The following MCUB variants were observed in gnomAD, a reference collection of about 807,000 sequenced individuals.
MCUB encodes the protein calcium uniporter regulatory subunit MCUb, mitochondrial.
Under a neutral mutation model 41.4 loss-of-function variants are expected in MCUB, and 46 were observed. The ratio of observed to expected loss-of-function variants is 1.11; its 90% CI spans 0.88 to 1.42. The LOEUF is 1.42. Among genes scored for constraint, MCUB ranks in the 40% most tolerant of loss-of-function variants. The pLI, the probability that MCUB is intolerant of heterozygous loss-of-function variation, is 0.00. For missense variants in MCUB, 403 were observed against 404.9 expected, an observed-to-expected ratio of 1.00 and a Z score of 0.04; for synonymous variants, 148 against 148.2, an observed-to-expected ratio of 1.00 and a Z score of 0.01.
At chr4:109,601,885 T>G (rs990673171) in intron 1 of MCUB, among the ~76,000 whole-genome samples, 4 of 152,192 alleles carry the variant, frequency 2.6e-5, no homozygotes, top group Admixed American at 2.0e-4. Context: ...TCTCCACATC[T>G]TCACCAACGT....
At chr4:109,603,253 G>A (rs545726202) in intron 1 of MCUB, among the ~76,000 whole-genome samples, 35 of 152,258 alleles carry the variant, frequency 2.3e-4, no homozygotes, top group Non-Finnish European at 3.4e-4. Flanking sequence ...GCGCCGCCAC[G>A]CCTGACTGGT....
intron 1 of MCUB, among the ~76,000 whole-genome samples, chr4:109,588,881 G>T (rs868088992): frequency 6.6e-6 from 1 of 152,078 alleles, no homozygotes; most frequent in African/African-American, 2.4e-5. Context: ...TATAAAGAAT[G>T]ATTGATAAAA....
intron 1 of MCUB, among the ~76,000 whole-genome samples, chr4:109,608,251 A>T (rs990376831): frequency 6.6e-6 from 1 of 152,030 alleles, no homozygotes; most frequent in Non-Finnish European, 1.5e-5. Context: ...AATCATTTCA[A>T]TCTTTTTGTT....
intron 4 of MCUB, among the ~76,000 whole-genome samples, chr4:109,670,165 A>G (rs987257170): frequency 3.9e-5 from 6 of 152,206 alleles, no homozygotes; most frequent in Non-Finnish European, 8.8e-5. Flanking sequence ...AAAGTAAGGT[A>G]TGGAGGGGAA....
intron 4 of MCUB, among the ~76,000 whole-genome samples, chr4:109,673,290 A>G (rs937639759): frequency 8.5e-5 from 13 of 152,218 alleles, no homozygotes; most frequent in African/African-American, 3.1e-4. Flanking sequence ...CCATTACTCC[A>G]TATGACCTTC....
intron 4 of MCUB, among the ~76,000 whole-genome samples, chr4:109,668,574 GT>G (rs1729392586): frequency 6.6e-6 from 1 of 151,888 alleles, no homozygotes; most frequent in South Asian, 2.1e-4. Flanking sequence ...TTGGATCTGG[GT>G]TTTTGACCCA....
intron 1 of MCUB, among the ~76,000 whole-genome samples, chr4:109,596,661 ACTC>A (rs1727561956): frequency 6.6e-6 from 1 of 150,448 alleles, no homozygotes; most frequent in Non-Finnish European, 1.5e-5. Flanking sequence ...TCTTCCCTTG[ACTC>A]GGTGCCTCAC....
intron 7 of MCUB, 102 bp from the exon 8 acceptor site, chr4:109,687,412 AT>A (rs1351152887): frequency 2.7e-6 from 2 of 735,484 alleles, no homozygotes; most frequent in Admixed American, 5.4e-5. Context: ...TAAACATTTT[AT>A]TGCTGTAAGG....
intron 1 of MCUB, among the ~76,000 whole-genome samples, chr4:109,576,316 G>A (rs1727027986): frequency 6.6e-6 from 1 of 152,138 alleles, no homozygotes; most frequent in South Asian, 2.1e-4. Flanking sequence ...GGTAAGTCAA[G>A]TAGGTATTTG....
At chr4:109,662,820 T>C (rs1026713321) in intron 3 of MCUB, among the ~76,000 whole-genome samples, 5 of 152,332 alleles carry the variant, frequency 3.3e-5, no homozygotes, top group African/African-American at 1.2e-4. Context: ...GTTGCTGATT[T>C]TTTTTTTCTT....
intron 1 of MCUB, among the ~76,000 whole-genome samples, chr4:109,656,576 A>G (rs1017557185): frequency 4.0e-5 from 6 of 151,366 alleles, no homozygotes; most frequent in Non-Finnish European, 5.9e-5. Flanking sequence ...GGGTTTCACC[A>G]TGTTACCTGG....
At chr4:109,624,999 G>A (rs1012890144) in intron 1 of MCUB, among the ~76,000 whole-genome samples, 12 of 152,052 alleles carry the variant, frequency 7.9e-5, no homozygotes, top group African/African-American at 2.7e-4. Flanking sequence ...AATTAGCCAG[G>A]TGTGGTGGAG....
intron 6 of MCUB, chr4:109,684,982 A>G (rs950383700): frequency 1.3e-5 from 5 of 393,304 alleles, no homozygotes; most frequent in Admixed American, 4.1e-5. Flanking sequence ...TAATATGCCA[A>G]AAATCTCCCT....
rs147800179 is a variant in MCUB, at chr4:109,625,899, A to T, written c.100-33112A>T. Among the ~76,000 whole-genome samples, 1,122 of 152,322 alleles carry T rather than the reference A, an allele frequency of 7.4e-3. 25 individuals are homozygous for T. Among genetic ancestry groups the T allele is most frequent in the East Asian group, 0.065 (336 of 5,192 alleles). On this transcript the variant is annotated intron_variant, in intron 1 of 7. Coordinates refer to ENST00000394650, the MANE Select transcript of MCUB (RefSeq NM_017918.5). ...TTAGGTTGTCTTAAATTATCTGCAAAGAAAAATTTTTGTTTAGGTTGTTGT... is the reference window on the plus strand; with the variant it reads ...TTAGGTTGTCTTAAATTATCTGCAATGAAAAATTTTTGTTTAGGTTGTTGT...
At chr4:109,620,965 CTT>C (rs1436737402) in intron 1 of MCUB, among the ~76,000 whole-genome samples, 9 of 151,670 alleles carry the variant, frequency 5.9e-5, no homozygotes, top group Non-Finnish European at 1.2e-4. Flanking sequence ...GTGGCTCTCT[CTT>C]GGCTCACTGC....
At chr4:109,648,222 AAGAG>A (rs3086306) in intron 1 of MCUB, among the ~76,000 whole-genome samples, 4 of 151,828 alleles carry the variant, frequency 2.6e-5, no homozygotes, top group Admixed American at 6.6e-5. Context: ...AATGGAAGGA[AAGAG>A]AGAGAGAAGG....
chr4:109,584,647 C>G lies in MCUB; in HGVS notation c.99+24211C>G, dbSNP rs897868307. Reference sequence around the variant, plus strand: ...AAATGTGTCCCAGAGATTCTGGTACCTTGTGTCTTTGTTCTCATTGGTTTC... The same window carrying G: ...AAATGTGTCCCAGAGATTCTGGTACGTTGTGTCTTTGTTCTCATTGGTTTC... On this transcript the variant is annotated intron_variant, in intron 1 of 7. Coordinates refer to ENST00000394650, the MANE Select transcript of MCUB (RefSeq NM_017918.5). 5.9e-5 allele frequency among the ~76,000 whole-genome samples: 9 copies of G among 152,052 alleles called. No homozygotes were observed. The East Asian group carries it at 1.4e-3, about 23-fold the overall frequency.
intron 1 of MCUB, among the ~76,000 whole-genome samples, chr4:109,643,097 T>C (rs940053363): frequency 6.6e-5 from 10 of 151,788 alleles, no homozygotes; most frequent in Non-Finnish European, 1.2e-4. Context: ...CCGGCCACTC[T>C]CAGCTAGATT....
intron 1 of MCUB, among the ~76,000 whole-genome samples, chr4:109,616,926 T>G (rs573676978): frequency 3.3e-5 from 5 of 152,330 alleles, no homozygotes; most frequent in Middle Eastern, 6.8e-3. Flanking sequence ...ACATGGGCTT[T>G]AATTTTAGTT....
Sources: allele counts gnomAD v4.1 joint callset (sites outside exome capture counted in the v4.1 genomes callset), GRCh38; gene constraint gnomAD v4.1.1; transcripts MANE v1.5; gene names NCBI Gene and HGNC (gene_info 2026-07-23, HGNC 2026-07-21).